The following SCFD2 variants were observed in gnomAD, a reference collection of about 807,000 sequenced individuals.
SCFD2 encodes the protein sec1 family domain containing 2.
Under a neutral mutation model 58.9 loss-of-function variants are expected in SCFD2, and 54 were observed. The observed-to-expected ratio is 0.92, with a 90% CI of 0.74 to 1.15. SCFD2 has a LOEUF of 1.15. Among genes scored for constraint, SCFD2 ranks in the 50% most tolerant of loss-of-function variants. SCFD2 has a pLI of 0.00. For synonymous variants in SCFD2, 321 were observed against 335.9 expected, an observed-to-expected ratio of 0.96 and a Z score of 0.49; for missense variants, 805 against 836.6, an observed-to-expected ratio of 0.96 and a Z score of 0.47.
chr4:53,249,168 T>G (rs927549581), intron 4 of SCFD2, among the ~76,000 whole-genome samples: 1 of 152,040 alleles, frequency 6.6e-6, no homozygotes. Context: ...TGCAGAAGCC[T>G]CAGGAGCCGA....
rs143408903 is a variant in SCFD2, at chr4:53,208,598, G to A, written c.1312-63016C>T. Among the ~76,000 whole-genome samples the A allele has an allele frequency of 2.5e-3, 383 of 152,254 alleles. 5 individuals carry two copies. The highest frequency in any genetic ancestry group is 8.0e-3 in the African/African-American group (333 of 41,518). Reference sequence around the variant, plus strand: ...ATACCCAATCTCCTGACTCCTAGTCGTGTGTGTTCTATGCTGCACCATGGC... The same window carrying A: ...ATACCCAATCTCCTGACTCCTAGTCATGTGTGTTCTATGCTGCACCATGGC... On this transcript the variant is annotated intron_variant, in intron 4 of 8. Transcript: ENST00000401642.
chr4:53,190,444 A>G (rs1448117384), intron 4 of SCFD2, among the ~76,000 whole-genome samples: 2 of 152,134 alleles, frequency 1.3e-5, no homozygotes, highest in Non-Finnish European at 1.5e-5. Context: ...ACCTCTGCCA[A>G]TAGATGATAC....
intron 4 of SCFD2, among the ~76,000 whole-genome samples, chr4:53,169,267 G>A (rs529201799): frequency 9.9e-5 from 15 of 152,076 alleles, no homozygotes; most frequent in Non-Finnish European, 1.8e-4. Flanking sequence ...GGGAGGCCGA[G>A]GCAAGAGAAT....
intron 5 of SCFD2, among the ~76,000 whole-genome samples, chr4:53,063,800 G>A (rs180874126): frequency 6.6e-6 from 1 of 152,240 alleles, no homozygotes. Flanking sequence ...CTCGATTAAA[G>A]TATCCCTCTA....
At chr4:53,288,929 A>G (rs139957178) in intron 3 of SCFD2, among the ~76,000 whole-genome samples, 73 of 152,278 alleles carry the variant, frequency 4.8e-4, no homozygotes, top group Non-Finnish European at 9.0e-4. Flanking sequence ...ATTCAAAAAC[A>G]AAAATAGTTA....
At chr4:53,225,723 G>A (rs1729191428) in intron 4 of SCFD2, among the ~76,000 whole-genome samples, 1 of 152,170 alleles carries the variant, frequency 6.6e-6, no homozygotes, top group African/African-American at 2.4e-5. Flanking sequence ...AGGAAACTGT[G>A]CCTTAATGAG....
chr4:53,144,355 T>C (rs1726257620), intron 5 of SCFD2, among the ~76,000 whole-genome samples: 1 of 150,564 alleles, frequency 6.6e-6, no homozygotes, highest in Non-Finnish European at 1.5e-5. Flanking sequence ...TGTAAGTATA[T>C]ATGTTATATA....
At chr4:52,965,199 T>C (rs1029900312) in intron 5 of SCFD2, among the ~76,000 whole-genome samples, 1 of 152,156 alleles carries the variant, frequency 6.6e-6, no homozygotes, top group African/African-American at 2.4e-5. Context: ...CTAGGAGCCA[T>C]ATTGAAAACA....
intron 5 of SCFD2, among the ~76,000 whole-genome samples, chr4:53,143,390 T>C (rs1726224849): frequency 6.6e-6 from 1 of 152,214 alleles, no homozygotes; most frequent in Admixed American, 6.5e-5. Flanking sequence ...GTATAAATCA[T>C]ATTAAAACTT....
intron 5 of SCFD2, among the ~76,000 whole-genome samples, chr4:52,922,998 C>T (rs1719776425): frequency 6.6e-6 from 1 of 151,266 alleles, no homozygotes; most frequent in Admixed American, 6.6e-5. Flanking sequence ...TGGAATGAAT[C>T]TAACATACCC....
intron 3 of SCFD2, among the ~76,000 whole-genome samples, chr4:53,277,153 C>T (rs1380592852): frequency 6.6e-6 from 1 of 152,208 alleles, no homozygotes; most frequent in Non-Finnish European, 1.5e-5. Flanking sequence ...AACCCCTATG[C>T]TTGTAGCCAA....
chr4:53,312,270 C>A (rs190507493), intron 3 of SCFD2, among the ~76,000 whole-genome samples: 1 of 152,132 alleles, frequency 6.6e-6, no homozygotes, highest in Non-Finnish European at 1.5e-5. Flanking sequence ...AAACCACTTC[C>A]GGCATTGGCT....
At chr4:52,971,646 A>G (rs1290262019) in intron 5 of SCFD2, among the ~76,000 whole-genome samples, 7 of 152,194 alleles carry the variant, frequency 4.6e-5, no homozygotes, top group African/African-American at 1.7e-4. Flanking sequence ...CCAACATTCA[A>G]ATTCAGGAAA....
chr4:52,900,156 A>T (rs1055552483), intron 7 of SCFD2, among the ~76,000 whole-genome samples: 1 of 152,118 alleles, frequency 6.6e-6, no homozygotes, highest in Admixed American at 6.5e-5. Context: ...AACTCGTCAA[A>T]GTCATTCTCC....
At chr4:53,228,043 A>G (rs1729281574) in intron 4 of SCFD2, among the ~76,000 whole-genome samples, 1 of 152,192 alleles carries the variant, frequency 6.6e-6, no homozygotes, top group South Asian at 2.1e-4. Flanking sequence ...TAACCTAGGT[A>G]AATACTTAAC....
chr4:53,218,626 CCTT>C (rs557695312), intron 4 of SCFD2, among the ~76,000 whole-genome samples: 158 of 152,326 alleles, frequency 1.0e-3, no homozygotes, highest in African/African-American at 3.5e-3. Flanking sequence ...TCGTCTGAAG[CCTT>C]CTTCTCTCAA....
At chr4:53,037,926 C>T (rs1722805023) in intron 5 of SCFD2, among the ~76,000 whole-genome samples, 1 of 152,108 alleles carries the variant, frequency 6.6e-6, no homozygotes, top group South Asian at 2.1e-4. Flanking sequence ...TGTCACAGTT[C>T]AACCAAACCC....
At chr4:53,259,792 G>A (rs1267657487) in intron 4 of SCFD2, among the ~76,000 whole-genome samples, 3 of 152,108 alleles carry the variant, frequency 2.0e-5, no homozygotes, top group Admixed American at 1.3e-4. Context: ...CACTGAATTT[G>A]TAAACTGCTT....
In SCFD2 at chr4:53,235,012, G is replaced by T. The variant is rs1055207962; in HGVS notation, c.1311+38814C>A. On this transcript the variant is annotated intron_variant, in intron 4 of 8. Transcript: ENST00000401642. ...TTTGCTCAAACATCCCCAACACACA[G>T]CTTCCTCTATGATCCAAGATGGCCA... 2.0e-5 allele frequency among the ~76,000 whole-genome samples: 3 copies of T among 152,192 alleles called. No individual in the cohort carries two copies. The South Asian group carries it at 6.2e-4, about 32-fold the overall frequency.
Sources: gnomAD v4.1 joint callset for allele counts (sites outside exome capture counted in the v4.1 genomes callset) on GRCh38, gnomAD v4.1.1 for gene constraint, MANE v1.5 for transcripts, NCBI Gene and HGNC (gene_info 2026-07-23, HGNC 2026-07-21) for gene names.